Variants in EGLN1 observed in about 807,000 individuals in gnomAD.
EGLN1 encodes the protein egl nine homolog 1.
In EGLN1, 17 loss-of-function variants were observed where a neutral mutation model predicts 38.3. The observed-to-expected ratio is 0.44, with a 90% CI of 0.30 to 0.67. EGLN1 has a LOEUF of 0.67. EGLN1 is among the 30% of genes least tolerant of loss of function. EGLN1 has a pLI of 0.08. For missense variants in EGLN1, 477 were observed against 603.3 expected (o/e 0.79, Z 2.19); for synonymous variants, 283 against 257.5 (o/e 1.10, Z -0.95).
At chr1:231,391,092 T>TTTGTGTGTGTGTG (rs1553353098) in intron 1 of EGLN1, among the ~76,000 whole-genome samples, 3 of 67,366 alleles carry the variant, frequency 4.5e-5, no homozygotes, top group African/African-American at 1.4e-4. Flanking sequence ...TGTTTTTTTT[T>TTTGTGTGTGTGTG]TGTGTGTGTG....
At chr1:231,397,181 G>A (rs949988499) in intron 1 of EGLN1, among the ~76,000 whole-genome samples, 1 of 152,214 alleles carries the variant, frequency 6.6e-6, no homozygotes, top group Non-Finnish European at 1.5e-5. Flanking sequence ...AGAGTTTGTA[G>A]TTACAGATCT....
chr1:231,390,820 T>C (rs1688346851), intron 1 of EGLN1, among the ~76,000 whole-genome samples: 1 of 151,806 alleles, frequency 6.6e-6, no homozygotes. Flanking sequence ...TTAGACGCTA[T>C]CATTTGGGCC....
At chr1:231,369,165 T>C (rs1229230310) in intron 3 of EGLN1, among the ~76,000 whole-genome samples, 1 of 152,062 alleles carries the variant, frequency 6.6e-6, no homozygotes, top group Non-Finnish European at 1.5e-5. Flanking sequence ...AACTACGCCT[T>C]TTCCCCCAGA....
At chr1:231,371,689 G>C (rs1215575087) in intron 2 of EGLN1, among the ~76,000 whole-genome samples, 8 of 152,192 alleles carry the variant, frequency 5.3e-5, no homozygotes, top group African/African-American at 1.9e-4. Context: ...TCTGGGTGCA[G>C]AGTAGGGAAT....
chr1:231,396,003 C>T (rs1688515766), intron 1 of EGLN1, among the ~76,000 whole-genome samples: 1 of 149,798 alleles, frequency 6.7e-6, no homozygotes, highest in Admixed American at 6.7e-5. Flanking sequence ...GAAATTACCC[C>T]AGGAAAAGTC....
chr1:231,416,846 A>AT (rs1689095773), intron 1 of EGLN1, among the ~76,000 whole-genome samples: 1 of 152,180 alleles, frequency 6.6e-6, no homozygotes, highest in Non-Finnish European at 1.5e-5. Context: ...CAGTTGTACT[A>AT]TTTTCAGCCT....
intron 1 of EGLN1, among the ~76,000 whole-genome samples, chr1:231,383,828 G>A (rs1439610637): frequency 6.6e-6 from 1 of 151,914 alleles, no homozygotes; most frequent in Non-Finnish European, 1.5e-5. Flanking sequence ...TTGAAATTAT[G>A]ACTTATCAGG....
intron 2 of EGLN1, among the ~76,000 whole-genome samples, chr1:231,371,671 T>C (rs186833084): frequency 6.6e-6 from 1 of 152,248 alleles, no homozygotes; most frequent in East Asian, 1.9e-4. Context: ...CTGGGAACTG[T>C]GGTGGGCTCT....
chr1:231,387,464 A>T (rs2749701), intron 1 of EGLN1, among the ~76,000 whole-genome samples: 81,704 of 148,762 alleles, frequency 0.55, 23,771 homozygotes, highest in Non-Finnish European at 0.65. Flanking sequence ...GGTTCATGCC[A>T]TTCTCCTGCC....
At chr1:231,373,919 T>G (rs138715004) in intron 2 of EGLN1, 61 bp downstream of exon 2, 22 of 1,590,940 alleles carry the variant, frequency 1.4e-5, no homozygotes, top group Middle Eastern at 3.7e-4. Flanking sequence ...GTATGAAACT[T>G]AATGCTTTTG....
At chr1:231,409,611 C>T (rs1688883198) in intron 1 of EGLN1, among the ~76,000 whole-genome samples, 1 of 152,178 alleles carries the variant, frequency 6.6e-6, no homozygotes, top group African/African-American at 2.4e-5. Context: ...ATTGAGTTTG[C>T]AATACTTCCA....
Position 231,421,931 on chromosome 1 carries a change from G to A in EGLN1, c.-43C>T, listed in dbSNP as rs1185542419. ...CGACGGCGACTGCGGCGGCCGAGCA[G>A]GAGGGGTAGCGGCCGGACGGCCTCG... On this transcript the variant is annotated 5_prime_UTR_variant, in exon 1 of 5. Transcript: ENST00000366641. This position sits in a 1 kb window ranked among gnomAD's most constrained non-coding sequence, Gnocchi z 5.5. 7.4e-7 allele frequency: 1 copy of A among 1,357,868 alleles called. No homozygotes were observed. The highest frequency in any genetic ancestry group is 4.0e-5 in the Admixed American group (1 of 24,804). The allele number at this position is 1,357,868 out of a possible 1,614,324, so 84.1% of individuals were successfully genotyped here.
chr1:231,420,392 T>C, intron 1 of EGLN1: 1 of 155,998 alleles, frequency 6.4e-6, no homozygotes, highest in Non-Finnish European at 1.4e-5. Flanking sequence ...TTCAAAACAG[T>C]AGGAACAGGG....
At chr1:231,386,448 AAAT>A (rs1688209884) in intron 1 of EGLN1, among the ~76,000 whole-genome samples, 1 of 152,226 alleles carries the variant, frequency 6.6e-6, no homozygotes, top group South Asian at 2.1e-4. Flanking sequence ...CAGTCTTAGA[AAAT>A]AATGATGAGT....
intron 1 of EGLN1, among the ~76,000 whole-genome samples, chr1:231,380,267 G>C (rs1192299875): frequency 7.0e-6 from 1 of 143,690 alleles, no homozygotes; most frequent in Non-Finnish European, 1.5e-5. Flanking sequence ...AGTGAGCGGA[G>C]ATCGCGCCAC....
At chr1:231,390,540 T>TA (rs1394742187) in intron 1 of EGLN1, among the ~76,000 whole-genome samples, 1 of 152,230 alleles carries the variant, frequency 6.6e-6, no homozygotes, top group East Asian at 1.9e-4. Flanking sequence ...AGTGGTCAGA[T>TA]AGACTGTGAA....
intron 1 of EGLN1, among the ~76,000 whole-genome samples, chr1:231,386,238 C>A (rs1474667008): frequency 6.6e-6 from 1 of 152,148 alleles, no homozygotes; most frequent in Non-Finnish European, 1.5e-5. Context: ...AGTACAAGTT[C>A]TATTTGTATA....
At chr1:231,414,531 G>T (rs1284927027) in intron 1 of EGLN1, among the ~76,000 whole-genome samples, 1 of 152,234 alleles carries the variant, frequency 6.6e-6, no homozygotes, top group Middle Eastern at 3.4e-3. Context: ...AGGGCAAACG[G>T]CTTTAAATAG....
At chr1:231,390,017 C>CA (rs1429686704) in intron 1 of EGLN1, among the ~76,000 whole-genome samples, 1 of 152,016 alleles carries the variant, frequency 6.6e-6, no homozygotes, top group Non-Finnish European at 1.5e-5. Flanking sequence ...ATTTCCTGCA[C>CA]ATGAAGCACA....
Sources: gnomAD v4.1 joint callset for allele counts (sites outside exome capture counted in the v4.1 genomes callset) on GRCh38, gnomAD v4.1.1 for gene constraint, Gnocchi (gnomAD v3.1) non-coding constraint, MANE v1.5 for transcripts, NCBI Gene and HGNC (gene_info 2026-07-23, HGNC 2026-07-21) for gene names.